The following DNAH14 variants were observed in gnomAD, a reference collection of about 807,000 sequenced individuals.
DNAH14 encodes the protein axonemal beta dynein heavy chain 14.
DNAH14 carries 478 observed loss-of-function variants against 520.9 expected under a neutral mutation model. That is an observed-to-expected ratio of 0.92 (90% CI 0.85 to 0.99). The LOEUF (loss-of-function observed/expected upper bound fraction) is 0.99, where lower values mean the gene tolerates loss of function less well. Among genes scored for constraint, DNAH14 ranks in the 50% least tolerant of loss-of-function variants. The probability of loss-of-function intolerance (pLI) is 0.00; values close to 1 mark genes in which losing one functional copy is unlikely to be tolerated. For synonymous variants in DNAH14, 1,581 were observed against 1,757.2 expected, an observed-to-expected ratio of 0.90 and a Z score of 2.51; for missense variants, 4,831 against 5,234.5, an observed-to-expected ratio of 0.92 and a Z score of 2.38.
chr1:225,036,499 T>C (rs2066977211), intron 11 of DNAH14, among the ~76,000 whole-genome samples: 2 of 150,840 alleles, frequency 1.3e-5, no homozygotes, highest in South Asian at 4.2e-4. Context: ...TGCTTCTGTG[T>C]CTCTTTGTTG....
rs767669788 is a variant in DNAH14, at chr1:225,266,628, T to C, written c.7411-13T>C. ...ACTAATATATATGTTTAAAACCTTT[T>C]GTCTTTCTTAAGATTCTAATATTTA... On this transcript the variant is annotated splice_polypyrimidine_tract_variant and intron_variant, in intron 48 of 85. Coordinates refer to ENST00000682510, the MANE Select transcript of DNAH14 (RefSeq NM_001367479.1). 1.1e-5 allele frequency: 16 copies of C among 1,467,084 alleles called. No individual in the cohort carries two copies. Among genetic ancestry groups the C allele is most frequent in the Admixed American group, 6.3e-5 (2 of 31,524 alleles). 90.9% of individuals were successfully genotyped at this position (1,467,084 alleles called of 1,614,324 possible).
intron 1 of DNAH14, among the ~76,000 whole-genome samples, chr1:224,940,448 T>A (rs553171853): frequency 1.3e-5 from 2 of 152,328 alleles, no homozygotes; most frequent in South Asian, 4.1e-4. Flanking sequence ...ATATTTTTTG[T>A]AAATATCTCA....
At chr1:225,147,947 C>T (rs896623046) in intron 31 of DNAH14, among the ~76,000 whole-genome samples, 3 of 152,160 alleles carry the variant, frequency 2.0e-5, no homozygotes, top group Admixed American at 6.5e-5. Context: ...ATCCATGTTC[C>T]TGCAAAGGAC....
At chr1:225,169,818 C>T (rs2082415560) in intron 36 of DNAH14, among the ~76,000 whole-genome samples, 1 of 152,124 alleles carries the variant, frequency 6.6e-6, no homozygotes, top group Non-Finnish European at 1.5e-5. Flanking sequence ...ACATAATTGT[C>T]AGATTCACCA....
In DNAH14 at chr1:225,237,760, C is replaced by T. The variant is rs186001017; in HGVS notation, c.6519-2833C>T. On this transcript the variant is annotated intron_variant, in intron 42 of 85. Transcript: ENST00000682510. ...CAAGAACCCCAATCAGTCATAGGTTCGGTATCCTTACATAATCCCATAATT... is the reference window on the plus strand; with the variant it reads ...CAAGAACCCCAATCAGTCATAGGTTTGGTATCCTTACATAATCCCATAATT... Among the ~76,000 whole-genome samples, 544 of 152,166 alleles carry T rather than the reference C, an allele frequency of 3.6e-3. 3 individuals are homozygous for T. The highest frequency in any genetic ancestry group is 0.013 in the African/African-American group (520 of 41,540).
chr1:225,184,026 T>A lies in DNAH14; in HGVS notation c.5536-1265T>A, dbSNP rs192699193. 2.2e-4 allele frequency among the ~76,000 whole-genome samples: 34 copies of A among 152,188 alleles called. No homozygotes were observed. In the East Asian group the frequency reaches 5.0e-3, roughly 22 times the overall value. On this transcript the variant is annotated intron_variant, in intron 36 of 85. Coordinates refer to ENST00000682510, the MANE Select transcript of DNAH14 (RefSeq NM_001367479.1). The stretch of plus-strand genomic sequence containing the variant: ...AGAGTTAATACCAATGGTAATCAAA[T>A]TATTCAAATAAAAAATCAAGTAGGG...
At chr1:224,993,233 G>C (rs2063173847) in intron 8 of DNAH14, among the ~76,000 whole-genome samples, 1 of 151,998 alleles carries the variant, frequency 6.6e-6, no homozygotes, top group African/African-American at 2.4e-5. Context: ...AAAGAGTTTG[G>C]AGGCATTCTC....
At chr1:225,223,300 T>C (rs1387993533) in intron 41 of DNAH14, among the ~76,000 whole-genome samples, 1 of 152,200 alleles carries the variant, frequency 6.6e-6, no homozygotes, top group African/African-American at 2.4e-5. Flanking sequence ...ATGGAGCCAC[T>C]AGCCCATTTA....
chr1:225,057,833 A>G lies in DNAH14; in HGVS notation c.2424+6038A>G, dbSNP rs2069354216. ...TCTGTTTATATGCTGGATTACGTTT[A>G]TTGATTTTCGTATGTTGAAACAGCC... On this transcript the variant is annotated intron_variant, in intron 17 of 85. Transcript: ENST00000682510. 2.0e-5 allele frequency among the ~76,000 whole-genome samples: 3 copies of G among 152,196 alleles called. No homozygotes were observed. The South Asian group carries it at 6.2e-4, about 31-fold the overall frequency.
intron 30 of DNAH14, among the ~76,000 whole-genome samples, chr1:225,146,584 C>A (rs1387320276): frequency 3.3e-5 from 5 of 152,234 alleles, no homozygotes; most frequent in African/African-American, 1.2e-4. Flanking sequence ...GCAGCAGCTG[C>A]GTGCTTTAGC....
intron 67 of DNAH14, 64 bp from the exon 68 acceptor site, chr1:225,337,997 T>G (rs1262127290): frequency 8.5e-7 from 1 of 1,183,376 alleles, no homozygotes; most frequent in Non-Finnish European, 1.1e-6. Flanking sequence ...TTATTGCTGC[T>G]TTTTTTTTTC....
At chr1:225,174,869 GT>G (rs930090837) in intron 36 of DNAH14, among the ~76,000 whole-genome samples, 14 of 151,736 alleles carry the variant, frequency 9.2e-5, no homozygotes, top group Non-Finnish European at 1.8e-4. Context: ...TTTGTTTAAG[GT>G]TTTTTTTATT....
In DNAH14 at chr1:225,043,715, TTTCTC is replaced by T. The variant is rs1275004099; in HGVS notation, c.1769-26_1769-22del. 2.8e-6 allele frequency: 4 copies of T among 1,407,520 alleles called. No individual in the cohort carries two copies. The Admixed American group carries it at 6.6e-5, about 23-fold the overall frequency. The allele number at this position is 1,407,520 out of a possible 1,614,324, so 87.2% of individuals were successfully genotyped here. A position where few individuals can be genotyped will look rare whatever the true frequency, so the allele number is the denominator to read the frequency against. On this transcript the variant is annotated intron_variant, in intron 13 of 85. Coordinates refer to ENST00000682510, the MANE Select transcript of DNAH14 (RefSeq NM_001367479.1). ...ATATAAATATCAATCAATTTTGTAT[TTTCTC>T]TTTCTTTCAATGGATTCTAATAGAC...
intron 27 of DNAH14, among the ~76,000 whole-genome samples, chr1:225,127,531 C>G (rs1055494955): frequency 1.4e-5 from 2 of 144,778 alleles, no homozygotes; most frequent in East Asian, 1.9e-4. Context: ...AGATTGCAAC[C>G]CCTGCCTTTT....
At chr1:225,294,461 A>T (rs1175990361) in intron 55 of DNAH14, among the ~76,000 whole-genome samples, 2 of 152,178 alleles carry the variant, frequency 1.3e-5, no homozygotes, top group African/African-American at 4.8e-5. Context: ...TAGAATGAGT[A>T]AGGAATAATT....
intron 11 of DNAH14, among the ~76,000 whole-genome samples, chr1:225,032,385 T>G (rs915364631): frequency 6.6e-6 from 1 of 152,134 alleles, no homozygotes; most frequent in Non-Finnish European, 1.5e-5. Context: ...TCTAGCTCCA[T>G]CCATGTTCCT....
At chr1:225,235,314 T>C (rs899822013) in intron 42 of DNAH14, among the ~76,000 whole-genome samples, 1 of 152,216 alleles carries the variant, frequency 6.6e-6, no homozygotes, top group Non-Finnish European at 1.5e-5. Flanking sequence ...GATTTTTGTC[T>C]TTAGTTCTGT....
rs1005492279 is a variant in DNAH14, at chr1:225,130,077, A to G, written c.4254+6463A>G. ...AAAGACACATGAAAAAATGCTCACC[A>G]TCACTGACCATCAAAGAAATGCAAA... On this transcript the variant is annotated intron_variant, in intron 27 of 85. Transcript: ENST00000682510. Among the ~76,000 whole-genome samples, 3 of 152,256 alleles carry G rather than the reference A, an allele frequency of 2.0e-5. No individual in the cohort carries two copies. The South Asian group carries it at 6.2e-4, about 31-fold the overall frequency.
chr1:225,007,418 T>C lies in DNAH14; in HGVS notation c.981T>C (p.Asp327=), dbSNP rs1030456929. 2 of 1,529,388 alleles carry C rather than the reference T, an allele frequency of 1.3e-6. No individual in the cohort carries two copies. Among genetic ancestry groups the C allele is most frequent in the Non-Finnish European group, 1.8e-6 (2 of 1,136,102 alleles). The allele number at this position is 1,529,388 out of a possible 1,614,324, so 94.7% of individuals were successfully genotyped here. A position where few individuals can be genotyped will look rare whatever the true frequency, so the allele number is the denominator to read the frequency against. Residue 327 remains aspartate (D), a synonymous_variant, in exon 10 of 86, where the codon GAT becomes GAC. Transcript: ENST00000682510. ...ATTTACTATCATCTAATTAGCTGGA[T>C]AGTTCTCGAACATATTCTCTAGATG... ...NLSAICLVKL[D]SSRTYSLDEF...
Sources: allele counts gnomAD v4.1 joint callset (sites outside exome capture counted in the v4.1 genomes callset), GRCh38; gene constraint gnomAD v4.1.1; transcripts MANE v1.5; gene names NCBI Gene and HGNC (gene_info 2026-07-23, HGNC 2026-07-21).